Variants in SNX25 observed in about 807,000 individuals in gnomAD.
SNX25 encodes sorting nexin 25.
A neutral mutation model predicts 113.7 loss-of-function variants in SNX25; 62 were observed. That is an observed-to-expected ratio of 0.55 (90% CI 0.44 to 0.67). SNX25 has a LOEUF of 0.67. Among genes scored for constraint, SNX25 ranks in the 30% least tolerant of loss-of-function variants. The probability of loss-of-function intolerance (pLI) is 0.00; values close to 1 mark genes in which losing one functional copy is unlikely to be tolerated. For synonymous variants in SNX25, 421 were observed against 436.2 expected (o/e 0.97, Z 0.43); for missense variants, 1,014 against 1,161.0 (o/e 0.87, Z 1.84).
At chr4:185,254,163 C>T (rs1012574592) in intron 2 of SNX25, among the ~76,000 whole-genome samples, 1 of 152,084 alleles carries the variant, frequency 6.6e-6, no homozygotes, top group Non-Finnish European at 1.5e-5. Context: ...CTAGTTCATG[C>T]TTTTCTCCCA....
At chr4:185,318,949 C>CT (rs2095096683) in intron 7 of SNX25, among the ~76,000 whole-genome samples, 1 of 152,178 alleles carries the variant, frequency 6.6e-6, no homozygotes, top group Admixed American at 6.5e-5. Flanking sequence ...GGTAGCTACT[C>CT]TGTGTTTGCC....
intron 3 of SNX25, among the ~76,000 whole-genome samples, chr4:185,262,781 A>G (rs1338036843): frequency 6.6e-6 from 1 of 152,244 alleles, no homozygotes; most frequent in Admixed American, 6.5e-5. Flanking sequence ...AGAGGTACGT[A>G]GTAGGAATCA....
In SNX25 at chr4:185,210,981, C is replaced by T. The variant is rs142523399; in HGVS notation, c.429+726C>T. On this transcript the variant is annotated intron_variant, in intron 1 of 18. Transcript: ENST00000652585. This position sits in a 1 kb window ranked among gnomAD's most constrained non-coding sequence, Gnocchi z 4.4. ...GTGCCAAACCCACTGCCCCATCTTT[C>T]TTCCACATTCCTTCTCATAATCCTT... 1.8e-4 allele frequency among the ~76,000 whole-genome samples: 28 copies of T among 152,270 alleles called. No homozygotes were observed. The East Asian group carries it at 5.0e-3, about 27-fold the overall frequency.
At chr4:185,361,528 A>G (rs1429955556) in intron 16 of SNX25, among the ~76,000 whole-genome samples, 1 of 152,132 alleles carries the variant, frequency 6.6e-6, no homozygotes, top group Non-Finnish European at 1.5e-5. Flanking sequence ...ACCTGAGTTC[A>G]GGAGTTTGAG....
chr4:185,283,759 G>A (rs1298321677), intron 5 of SNX25, among the ~76,000 whole-genome samples: 1 of 152,118 alleles, frequency 6.6e-6, no homozygotes, highest in Non-Finnish European at 1.5e-5. Flanking sequence ...TCTCTGTAAT[G>A]TGGACATAAT....
intron 1 of SNX25, among the ~76,000 whole-genome samples, chr4:185,242,812 A>G (rs1306073199): frequency 6.6e-6 from 1 of 152,222 alleles, no homozygotes; most frequent in East Asian, 1.9e-4. Flanking sequence ...CCGAGGCCCG[A>G]CACACCCAAC....
intron 1 of SNX25, among the ~76,000 whole-genome samples, chr4:185,239,559 T>C (rs1743304627): frequency 6.6e-6 from 1 of 152,334 alleles, no homozygotes; most frequent in Admixed American, 6.5e-5. Context: ...TAAAATTTTC[T>C]CTCTCTGCAG....
chr4:185,362,240 A>AT (rs1271566537), intron 17 of SNX25, 135 bp downstream of exon 17: 6 of 1,380,854 alleles, frequency 4.3e-6, no homozygotes, highest in Admixed American at 3.2e-5. Context: ...CTTTTAAGCC[A>AT]TTTTTTGTCA....
Position 185,357,723 on chromosome 4 carries a change from A to G in SNX25, c.2637A>G (p.Gly879=). The G allele has an allele frequency of 2.5e-6, 4 of 1,613,878 alleles. No homozygotes were observed. The highest frequency in any genetic ancestry group is 3.4e-6 in the Non-Finnish European group (4 of 1,179,802). ...TLIALVQVTF[G]RTINKQIRDT... ...TTGCCCTCGTTCAGGTCACTTTTGG[A>G]AGAACCATCAACAAGTGAGTTGTAT... The change falls in exon 16 of 19, where the codon GGA becomes GGG. Residue 879 remains glycine (G), a synonymous_variant. Transcript: ENST00000652585.
chr4:185,351,658 A>G (rs2095315367), intron 14 of SNX25, 49 bp downstream of exon 14: 1 of 1,586,632 alleles, frequency 6.3e-7, no homozygotes, highest in Non-Finnish European at 8.6e-7. Context: ...TTCAGCAGAT[A>G]CTAAGCTCAT....
rs149097763 is a variant in SNX25, at chr4:185,353,569, A to T, written c.2551A>T (p.Met851Leu). The change falls in exon 15 of 19, where the codon ATG (methionine) becomes TTG (leucine). Residue 851 changes from methionine (M) to leucine (L), a missense_variant. Transcript: ENST00000652585. ...RKDALAEPCF[M>L]LIGEIFELRG... ...AGACGCCTTGGCTGAACCATGTTTC[A>T]TGTTGATTGGGGAGATTTTTGAACT... is the stretch of plus-strand genomic sequence containing the variant. The T allele has an allele frequency of 6.2e-7, 1 of 1,614,156 alleles. No individual in the cohort carries two copies. Among genetic ancestry groups the T allele is most frequent in the Admixed American group, 1.7e-5 (1 of 60,032 alleles).
chr4:185,248,584 A>G lies in SNX25; in HGVS notation c.514+1206A>G, dbSNP rs115798502. The stretch of plus-strand genomic sequence containing the variant: ...GGAGAATTGCTTGAGCCCGAGAGGC[A>G]GAGATTTGCAGTGAGCCTAGATTGC... On this transcript the variant is annotated intron_variant, in intron 2 of 18. Coordinates refer to ENST00000652585, the MANE Select transcript of SNX25 (RefSeq NM_001378034.2). Among the ~76,000 whole-genome samples the G allele has an allele frequency of 5.1e-3, 775 of 152,196 alleles. 4 individuals are homozygous for G. Among genetic ancestry groups the G allele is most frequent in the African/African-American group, 0.017 (712 of 41,532 alleles).
At chr4:185,346,887 C>T (rs933914451) in intron 13 of SNX25, among the ~76,000 whole-genome samples, 1 of 152,156 alleles carries the variant, frequency 6.6e-6, no homozygotes, top group African/African-American at 2.4e-5. Context: ...GCACCCAGTC[C>T]AATGCACTGG....
intron 6 of SNX25, among the ~76,000 whole-genome samples, chr4:185,290,256 T>C (rs1751954759): frequency 6.6e-6 from 1 of 152,234 alleles, no homozygotes; most frequent in Non-Finnish European, 1.5e-5. Flanking sequence ...AAGGACACGA[T>C]TCAGCCCATA....
chr4:185,308,481 A>G (rs748732113), intron 6 of SNX25, among the ~76,000 whole-genome samples: 2 of 152,198 alleles, frequency 1.3e-5, no homozygotes, highest in South Asian at 4.1e-4. Context: ...GAAGCCAGAT[A>G]GGAGTCCTTG....
At chr4:185,323,853 G>A (rs2095137566) in intron 9 of SNX25, 53 bp downstream of exon 9, 2 of 1,589,658 alleles carry the variant, frequency 1.3e-6, no homozygotes, top group South Asian at 2.3e-5. Flanking sequence ...TTTTAAATAT[G>A]TTTAAGTGGG....
In SNX25 at chr4:185,353,511, G is replaced by C; in HGVS notation, c.2493G>C (p.Leu831=). 6.2e-7 allele frequency: 1 copy of C among 1,614,142 alleles called. No homozygotes were observed. Among genetic ancestry groups the C allele is most frequent in the Non-Finnish European group, 8.5e-7 (1 of 1,179,980 alleles). ...QEEETEEDSD[L]SDYGDDVDGR... is the part of the protein sequence containing the mutation. ...AGGAGACAGAGGAGGACAGTGACCT[G>C]TCAGATTATGGTGATGATGTGGATG... Residue 831 remains leucine, a synonymous_variant, in exon 15 of 19, where the codon CTG becomes CTC. Coordinates refer to ENST00000652585, the MANE Select transcript of SNX25 (RefSeq NM_001378034.2).
chr4:185,345,176 C>T (rs902134857), intron 12 of SNX25, among the ~76,000 whole-genome samples: 11 of 152,174 alleles, frequency 7.2e-5, no homozygotes, highest in Admixed American at 4.6e-4. Context: ...CATCTTTCCT[C>T]GTCTGTGGAC....
the SNX25 span, chr4:185,375,487 A>AAAAAAAAATATATATAT: frequency 1.7e-4 from 2 of 12,014 alleles, no homozygotes; most frequent in Non-Finnish European, 2.9e-4. Context: ...AAAAAAAAAA[A>AAAAAAAAATATATATAT]ATATATATAT....
Sources: gnomAD v4.1 joint callset for allele counts (sites outside exome capture counted in the v4.1 genomes callset) on GRCh38, gnomAD v4.1.1 for gene constraint, Gnocchi (gnomAD v3.1) non-coding constraint, MANE v1.5 for transcripts, NCBI Gene and HGNC (gene_info 2026-07-23, HGNC 2026-07-21) for gene names.